Variants in DHRS12 observed in about 807,000 individuals in gnomAD.
DHRS12 encodes the protein dehydrogenase/reductase 12.
DHRS12 carries 29 observed loss-of-function variants against 32.1 expected under a neutral mutation model. That is an observed-to-expected ratio of 0.90 (90% CI 0.67 to 1.23). The LOEUF (loss-of-function observed/expected upper bound fraction) is 1.23, where lower values mean the gene tolerates loss of function less well. Ranked by LOEUF, DHRS12 falls within the 50% of genes most tolerant of loss-of-function variation. DHRS12 has a pLI of 0.00. For synonymous variants in DHRS12, 150 were observed against 135.9 expected, an observed-to-expected ratio of 1.10 and a Z score of -0.72; for missense variants, 330 against 337.2, an observed-to-expected ratio of 0.98 and a Z score of 0.17.
Position 51,783,707 on chromosome 13 carries a change from C to T in DHRS12, c.301+6304G>A, listed in dbSNP as rs1034343745. On this transcript the variant is annotated intron_variant, in intron 4 of 8. Transcript: ENST00000444610. ...CCTGCAGCCTCTGACCTCTTCTTAG[C>T]CCCCTAGGTTGCCTTTTCCAGAATG... 3.9e-5 allele frequency among the ~76,000 whole-genome samples: 6 copies of T among 152,150 alleles called. No individual in the cohort carries two copies. The East Asian group carries it at 7.7e-4, about 20-fold the overall frequency.
chr13:51,800,599 C>A (rs1955708090), intron 1 of DHRS12, among the ~76,000 whole-genome samples: 1 of 152,242 alleles, frequency 6.6e-6, no homozygotes, highest in Non-Finnish European at 1.5e-5. Flanking sequence ...CAAGGCTCCA[C>A]AGATGCTGAG....
At chr13:51,791,503 C>A (rs971474544) in intron 2 of DHRS12, among the ~76,000 whole-genome samples, 4 of 151,920 alleles carry the variant, frequency 2.6e-5, no homozygotes, top group Non-Finnish European at 5.9e-5. Context: ...TATATACATA[C>A]ACCACACAAA....
At chr13:51,800,106 G>A (rs890669231) in intron 1 of DHRS12, among the ~76,000 whole-genome samples, 1 of 152,160 alleles carries the variant, frequency 6.6e-6, no homozygotes, top group African/African-American at 2.4e-5. Flanking sequence ...TTTGCAAGTA[G>A]GGAATAAAGG....
At chr13:51,800,145 G>C (rs534261101) in intron 1 of DHRS12, among the ~76,000 whole-genome samples, 1 of 152,182 alleles carries the variant, frequency 6.6e-6, no homozygotes, top group Non-Finnish European at 1.5e-5. Context: ...TTTAAGCTCT[G>C]CACCCATCAG....
downstream of DHRS12, chr13:51,766,100 T>C (rs1953739975): frequency 6.6e-6 from 1 of 152,258 alleles, no homozygotes; most frequent in African/African-American, 2.4e-5. Context: ...ACGTCAGTAG[T>C]ATATGCCACT....
intron 5 of DHRS12, among the ~76,000 whole-genome samples, chr13:51,776,679 C>T (rs756092689): frequency 4.6e-5 from 7 of 152,168 alleles, no homozygotes; most frequent in African/African-American, 9.7e-5. Flanking sequence ...TATTTCAACC[C>T]GCTGGGGGAG....
At chr13:51,763,548 G>GAAC (rs1953655009), downstream of DHRS12, 2 of 152,204 alleles carry the variant, frequency 1.3e-5, no homozygotes, top group Non-Finnish European at 2.9e-5. Flanking sequence ...CCTATAATCT[G>GAAC]AACACTTTGG....
intron 4 of DHRS12, among the ~76,000 whole-genome samples, chr13:51,779,647 G>C (rs1954611093): frequency 6.6e-6 from 1 of 152,214 alleles, no homozygotes; most frequent in African/African-American, 2.4e-5. Flanking sequence ...GAAGCAGAAG[G>C]TCACCTTAGC....
the DHRS12 span, chr13:51,756,273 C>T: frequency 1.1e-5 from 17 of 1,560,394 alleles, no homozygotes; most frequent in African/African-American, 1.4e-5. Flanking sequence ...GGGTGAGATG[C>T]GGGGGCCTCA....
chr13:51,774,069 G>A, intron 5 of DHRS12, 35 bp from the exon 6 acceptor site: 1 of 1,594,922 alleles, frequency 6.3e-7, no homozygotes, highest in African/African-American at 1.3e-5. Context: ...ACAAACTAAA[G>A]CCTGTGACCC....
chr13:51,784,848 T>C (rs1332159019), intron 4 of DHRS12, among the ~76,000 whole-genome samples: 2 of 152,262 alleles, frequency 1.3e-5, no homozygotes, highest in East Asian at 1.9e-4. Context: ...ATGTGTCTAA[T>C]TCCCCCACTA....
rs775296713 is a variant in DHRS12, at chr13:51,791,262, A to G, written c.127-5T>C. 1.4e-6 allele frequency: 2 copies of G among 1,420,380 alleles called. No homozygotes were observed. The highest frequency in any genetic ancestry group is 2.9e-5 in the South Asian group (2 of 69,680). The allele number at this position is 1,420,380 out of a possible 1,614,324, so 88.0% of individuals were successfully genotyped here. A position where few individuals can be genotyped will look rare whatever the true frequency, so the allele number is the denominator to read the frequency against. On this transcript the variant is annotated splice_region_variant and splice_polypyrimidine_tract_variant and intron_variant, in intron 2 of 8. Coordinates refer to ENST00000444610, the MANE Select transcript of DHRS12 (RefSeq NM_001377533.1). ...CACAATGTGCAGAAAAATGTTCTAA[A>G]TTAGAAAGCAAAAAAAAAAAAAACC... is the stretch of plus-strand genomic sequence containing the variant.
the DHRS12 span, among the ~76,000 whole-genome samples, chr13:51,757,342 A>G: frequency 6.6e-6 from 1 of 152,232 alleles, no homozygotes; most frequent in South Asian, 2.1e-4. Flanking sequence ...GTAGCTAAAG[A>G]CATAGACTTT....
intron 4 of DHRS12, among the ~76,000 whole-genome samples, chr13:51,785,238 A>G (rs1285931392): frequency 6.6e-6 from 1 of 152,182 alleles, no homozygotes; most frequent in African/African-American, 2.4e-5. Context: ...AAAAAAAACC[A>G]GAATGTTTAT....
chr13:51,787,866 T>A (rs1566296537), intron 4 of DHRS12, among the ~76,000 whole-genome samples: 1 of 120,484 alleles, frequency 8.3e-6, no homozygotes, highest in African/African-American at 3.2e-5. Flanking sequence ...ATATAATATA[T>A]AAATATATAA....
chr13:51,764,371 T>C (rs1953681796), downstream of DHRS12: 1 of 152,338 alleles, frequency 6.6e-6, no homozygotes, highest in South Asian at 2.1e-4. Context: ...AAAGGGACTT[T>C]GAGCTCAGTG....
chr13:51,804,079 C>A lies in DHRS12; in HGVS notation c.-34G>T. On this transcript the variant is annotated 5_prime_UTR_variant, in exon 1 of 9. Transcript: ENST00000444610. ...TTGGTGTACTCGCGCAGCCCCTTGG[C>A]GAACCACACGACGCTGCGGTACAGG... The A allele has an allele frequency of 6.7e-7, 1 of 1,493,148 alleles. No homozygotes were observed. The highest frequency in any genetic ancestry group is 8.9e-7 in the Non-Finnish European group (1 of 1,128,274). The allele number at this position is 1,493,148 out of a possible 1,614,324, so 92.5% of individuals were successfully genotyped here.
chr13:51,781,142 A>T (rs902280075), intron 4 of DHRS12, among the ~76,000 whole-genome samples: 2 of 152,246 alleles, frequency 1.3e-5, no homozygotes, highest in African/African-American at 4.8e-5. Flanking sequence ...TGGGGGGCTC[A>T]CACACTAATC....
intron 2 of DHRS12, among the ~76,000 whole-genome samples, chr13:51,794,911 T>TC (rs965966751): frequency 3.4e-4 from 52 of 152,110 alleles, no homozygotes; most frequent in African/African-American, 1.2e-3. Context: ...ACCCTGTTTC[T>TC]CCCCTAGGCC....
Sources: allele counts gnomAD v4.1 joint callset (sites outside exome capture counted in the v4.1 genomes callset), GRCh38; gene constraint gnomAD v4.1.1; transcripts MANE v1.5; gene names NCBI Gene and HGNC (gene_info 2026-07-23, HGNC 2026-07-21).